The following CPEB2 variants were observed in gnomAD, a reference collection of about 807,000 sequenced individuals.
CPEB2 encodes the protein cytoplasmic polyadenylation element binding protein 2.
A neutral mutation model predicts 93.6 loss-of-function variants in CPEB2; 56 were observed. That is an observed-to-expected ratio of 0.60 (90% CI 0.48 to 0.75). CPEB2 has a LOEUF of 0.75. CPEB2 is among the 30% of genes least tolerant of loss of function. The pLI is 0.00. For synonymous variants in CPEB2, 764 were observed against 586.3 expected (o/e 1.30, Z -4.38); for missense variants, 1,579 against 1,395.1 (o/e 1.13, Z -2.10).
intron 1 of CPEB2, chr4:15,005,112 C>G (rs945371095): frequency 6.6e-6 from 1 of 152,172 alleles, no homozygotes; most frequent in African/African-American, 2.4e-5. Context: ...CCGCCCTCCT[C>G]GCAGGACCTG....
chr4:15,040,173 A>G (rs1433166510), intron 5 of CPEB2, among the ~76,000 whole-genome samples: 1 of 152,180 alleles, frequency 6.6e-6, no homozygotes, highest in African/African-American at 2.4e-5. Flanking sequence ...TTCTGTCTTC[A>G]TTAGCTGAAA....
chr4:15,059,074 A>T, intron 9 of CPEB2, 113 bp from the exon 10 acceptor site: 1 of 565,374 alleles, frequency 1.8e-6, no homozygotes, highest in Non-Finnish European at 3.1e-6. Context: ...TCCAGATCCC[A>T]CTATACAAAT....
chr4:15,059,929 A>T (rs1485253988), intron 10 of CPEB2, among the ~76,000 whole-genome samples: 1 of 152,184 alleles, frequency 6.6e-6, no homozygotes, highest in African/African-American at 2.4e-5. Context: ...TCATACATGG[A>T]AATACTTATA....
In CPEB2 at chr4:15,003,129, C is replaced by T; in HGVS notation, c.456C>T (p.Ala152=). The change falls in exon 1 of 12, where the codon GCC becomes GCT. Residue 152 remains alanine (A), a synonymous_variant. Coordinates refer to ENST00000538197, the MANE Select transcript of CPEB2 (RefSeq NM_001177382.2). ...TGCACCACCCCTCCTCCTCCTCCGC[C>T]TCCTCCTGCTGCTGCTGCCGCACCT... ...PSLHHPSSSS[A]SSCCCCRTSS... is the part of the protein sequence containing the mutation. The T allele has an allele frequency of 1.3e-6, 2 of 1,532,980 alleles. No homozygotes were observed. Among genetic ancestry groups the T allele is most frequent in the East Asian group, 2.5e-5 (1 of 40,484 alleles). The allele number at this position is 1,532,980 out of a possible 1,614,324, so 95.0% of individuals were successfully genotyped here. A position where few individuals can be genotyped will look rare whatever the true frequency, so the allele number is the denominator to read the frequency against.
rs1722370815 is a variant in CPEB2 at position 15,003,824 on chromosome 4, C to T, written c.1151C>T (p.Ser384Leu). 2.1e-6 allele frequency: 2 copies of T among 937,086 alleles called. No individual in the cohort carries two copies. Among genetic ancestry groups the T allele is most frequent in the South Asian group, 3.7e-5 (1 of 26,972 alleles). The allele number at this position is 937,086 out of a possible 1,614,324, so 58.0% of individuals were successfully genotyped here. A position where few individuals can be genotyped will look rare whatever the true frequency, so the allele number is the denominator to read the frequency against. The change falls in exon 1 of 12, where the codon TCG becomes TTG. Residue 384 changes from serine (S) to leucine (L), a missense_variant. Coordinates refer to ENST00000538197, the MANE Select transcript of CPEB2 (RefSeq NM_001177382.2). ...CTGCCCGGCTTCGGCACCCCCTGGT[C>T]GGTGCAGACCGCGTCGCCGCCACCC... ...PPLPGFGTPW[S>L]VQTASPPPQP...
intron 4 of CPEB2, among the ~76,000 whole-genome samples, chr4:15,020,592 A>G (rs1305076545): frequency 1.3e-5 from 2 of 152,088 alleles, no homozygotes; most frequent in South Asian, 4.1e-4. Context: ...CCATTGTTTA[A>G]TGTTAATATT....
In CPEB2 at chr4:15,003,900, C is replaced by A; in HGVS notation, c.1227C>A (p.Pro409=). 2.2e-6 allele frequency: 2 copies of A among 924,744 alleles called. No individual in the cohort carries two copies. The highest frequency in any genetic ancestry group is 2.8e-6 in the Non-Finnish European group (2 of 709,530). The allele number at this position is 924,744 out of a possible 1,614,324, so 57.3% of individuals were successfully genotyped here. A position where few individuals can be genotyped will look rare whatever the true frequency, so the allele number is the denominator to read the frequency against. ...AGCCGCAGCAGCAGCCGCCGCCACC[C>A]CAGCAGCCGCCCCAGCCGCAGCCGC... ...PTQPQQQPPP[P]QQPPQPQPQP... The change falls in exon 1 of 12, where the codon CCC becomes CCA. Residue 409 remains proline, a synonymous_variant. Transcript: ENST00000538197.
At chr4:15,031,004 A>G (rs1726032904) in intron 4 of CPEB2, among the ~76,000 whole-genome samples, 1 of 152,092 alleles carries the variant, frequency 6.6e-6, no homozygotes, top group South Asian at 2.1e-4. Context: ...GCTTTGCTTA[A>G]TTTACTTTCC....
chr4:15,003,898 C>T lies in CPEB2; in HGVS notation c.1225C>T (p.Pro409Ser). ...PTQPQQQPPP[P>S]QQPPQPQPQP... Reference sequence around the variant, plus strand: ...CCAGCCGCAGCAGCAGCCGCCGCCACCCCAGCAGCCGCCCCAGCCGCAGCC... The same window carrying T: ...CCAGCCGCAGCAGCAGCCGCCGCCATCCCAGCAGCCGCCCCAGCCGCAGCC... The change falls in exon 1 of 12, where the codon CCC (proline) becomes TCC (serine). Residue 409 changes from proline to serine, a missense_variant. Physicochemically the swap from Pro to Ser is moderately conservative, Grantham distance 74. This residue lies in a region of CPEB2 where 1,411 missense variants were observed against 1,056.0 expected (regional missense o/e 1.34). Coordinates refer to ENST00000538197, the MANE Select transcript of CPEB2 (RefSeq NM_001177382.2). 1.1e-6 allele frequency: 1 copy of T among 917,616 alleles called. No homozygotes were observed. Among genetic ancestry groups the T allele is most frequent in the Non-Finnish European group, 1.4e-6 (1 of 703,790 alleles). 56.8% of individuals were successfully genotyped at this position (917,616 alleles called of 1,614,324 possible). A position where few individuals can be genotyped will look rare whatever the true frequency, so the allele number is the denominator to read the frequency against.
rs910363451 is a variant in CPEB2 at position 15,003,750 on chromosome 4, G to T, written c.1077G>T (p.Gly359=). 2.4e-6 allele frequency: 3 copies of T among 1,260,648 alleles called. No homozygotes were observed. Among genetic ancestry groups the T allele is most frequent in the Non-Finnish European group, 3.0e-6 (3 of 1,009,886 alleles). The allele number at this position is 1,260,648 out of a possible 1,614,324, so 78.1% of individuals were successfully genotyped here. A position where few individuals can be genotyped will look rare whatever the true frequency, so the allele number is the denominator to read the frequency against. The part of the protein sequence containing the change: ...HPGGGGGGGG[G]GPPGGGGGGG... ...GCGGCGGCGGCGGCGGCGGGGGCGG[G>T]GGGCCCCCAGGAGGCGGAGGGGGAG... is the stretch of plus-strand genomic sequence containing the variant. The change falls in exon 1 of 12, where the codon GGG becomes GGT. Residue 359 remains glycine, a synonymous_variant. Coordinates refer to ENST00000538197, the MANE Select transcript of CPEB2 (RefSeq NM_001177382.2).
chr4:15,059,422 G>GT, intron 10 of CPEB2, 121 bp downstream of exon 10: 1 of 515,472 alleles, frequency 1.9e-6, no homozygotes, highest in Non-Finnish European at 3.4e-6. Flanking sequence ...AGCAGATTCT[G>GT]CATGCACCAA....
intron 3 of CPEB2, among the ~76,000 whole-genome samples, chr4:15,015,703 G>T (rs1724051903): frequency 6.6e-6 from 1 of 151,920 alleles, no homozygotes; most frequent in African/African-American, 2.4e-5. Flanking sequence ...GGGAAAAAAA[G>T]AAATTATGTA....
At chr4:15,013,502 C>A (rs1723747881) in intron 3 of CPEB2, among the ~76,000 whole-genome samples, 1 of 151,952 alleles carries the variant, frequency 6.6e-6, no homozygotes, top group Non-Finnish European at 1.5e-5. Context: ...CTTAGTTCTT[C>A]TATTTAGTTT....
At chr4:15,016,700 A>G (rs1160655700) in intron 3 of CPEB2, among the ~76,000 whole-genome samples, 1 of 152,032 alleles carries the variant, frequency 6.6e-6, no homozygotes, top group Non-Finnish European at 1.5e-5. Flanking sequence ...TGCACTCATT[A>G]TTAAATTCAG....
At chr4:15,007,782 G>A (rs779096605) in intron 2 of CPEB2, among the ~76,000 whole-genome samples, 196 bp downstream of exon 2, 1 of 152,054 alleles carries the variant, frequency 6.6e-6, no homozygotes, top group South Asian at 2.1e-4. Context: ...CTCTAAACAC[G>A]CAATGGAAAA....
At chr4:15,021,053 G>A (rs1239132444) in intron 4 of CPEB2, among the ~76,000 whole-genome samples, 1 of 152,102 alleles carries the variant, frequency 6.6e-6, no homozygotes, top group Non-Finnish European at 1.5e-5. Flanking sequence ...CTGAAAGGAG[G>A]CTAGCCCTGG....
chr4:15,011,821 G>A (rs1399457743), intron 3 of CPEB2, among the ~76,000 whole-genome samples: 2 of 152,130 alleles, frequency 1.3e-5, no homozygotes, highest in African/African-American at 4.8e-5. Context: ...AAGCATGTAC[G>A]TGCATGTCCG....
intron 5 of CPEB2, among the ~76,000 whole-genome samples, chr4:15,036,598 A>G (rs1045106570): frequency 3.3e-5 from 5 of 152,192 alleles, no homozygotes; most frequent in African/African-American, 1.2e-4. Flanking sequence ...AAGTATTTGT[A>G]TTAATATTTG....
chr4:15,058,880 A>T (rs1479605231), intron 9 of CPEB2, among the ~76,000 whole-genome samples: 1 of 152,130 alleles, frequency 6.6e-6, no homozygotes, highest in Non-Finnish European at 1.5e-5. Flanking sequence ...TCTAGGTTGC[A>T]TGTTCTTTAT....
Sources: allele counts gnomAD v4.1 joint callset (sites outside exome capture counted in the v4.1 genomes callset), GRCh38; gene constraint gnomAD v4.1.1; regional missense constraint gnomAD v4.1.1; transcripts MANE v1.5; gene names NCBI Gene and HGNC (gene_info 2026-07-23, HGNC 2026-07-21).